Variants in SMAP1 observed in about 807,000 individuals in gnomAD.
SMAP1 encodes small ArfGAP 1, also known as stromal membrane-associated protein 1.
In SMAP1, 24 loss-of-function variants were observed where a neutral mutation model predicts 58.5. The observed-to-expected ratio is 0.41, with a 90% CI of 0.30 to 0.58. The LOEUF (loss-of-function observed/expected upper bound fraction) is 0.58. Ranked by LOEUF, SMAP1 falls within the 20% of genes least tolerant of loss-of-function variation. The pLI, the probability that SMAP1 is intolerant of heterozygous loss-of-function variation, is 0.29. For synonymous variants in SMAP1, 216 were observed against 196.6 expected (o/e 1.10, Z -0.82); for missense variants, 563 against 566.3 (o/e 0.99, Z 0.06).
At chr6:70,735,526 C>A (rs1440562706) in intron 2 of SMAP1, among the ~76,000 whole-genome samples, 1 of 152,042 alleles carries the variant, frequency 6.6e-6, no homozygotes, top group Non-Finnish European at 1.5e-5. Context: ...TCCTGTAATC[C>A]CAGAACTTTG....
At chr6:70,738,499 C>T (rs1263755179) in intron 2 of SMAP1, among the ~76,000 whole-genome samples, 1 of 150,336 alleles carries the variant, frequency 6.7e-6, no homozygotes, top group Admixed American at 6.6e-5. Context: ...TCTATTGTAA[C>T]CTAGTTATTC....
chr6:70,682,686 C>T (rs576109738), intron 1 of SMAP1, among the ~76,000 whole-genome samples: 3 of 152,088 alleles, frequency 2.0e-5, no homozygotes, highest in African/African-American at 7.2e-5. Flanking sequence ...GATTAAAACC[C>T]GTTTGATCTG....
At chr6:70,744,483 A>T (rs908965071) in intron 2 of SMAP1, among the ~76,000 whole-genome samples, 3 of 152,078 alleles carry the variant, frequency 2.0e-5, no homozygotes, top group African/African-American at 7.2e-5. Context: ...TTCATCCATG[A>T]CCTACAAAGG....
At chr6:70,738,646 G>A (rs1159929893) in intron 2 of SMAP1, among the ~76,000 whole-genome samples, 1 of 152,064 alleles carries the variant, frequency 6.6e-6, no homozygotes, top group Non-Finnish European at 1.5e-5. Flanking sequence ...CAAAATCAGG[G>A]GTTTTCATCA....
intron 6 of SMAP1, among the ~76,000 whole-genome samples, chr6:70,808,902 CTGTGTGTGTGTGTGTG>C (rs35577736): frequency 6.2e-5 from 9 of 144,766 alleles, no homozygotes; most frequent in South Asian, 4.5e-4. Flanking sequence ...GGCTGTTTCC[CTGTGTGTGTGTGTGTG>C]TGTGTGTGTG....
At chr6:70,841,495 C>T (rs1161478804) in intron 7 of SMAP1, among the ~76,000 whole-genome samples, 1 of 151,880 alleles carries the variant, frequency 6.6e-6, no homozygotes, top group African/African-American at 2.4e-5. Flanking sequence ...GGGTGTACAT[C>T]ATGTGTTTCT....
At chr6:70,760,944 G>A (rs1766721912) in intron 3 of SMAP1, among the ~76,000 whole-genome samples, 1 of 151,908 alleles carries the variant, frequency 6.6e-6, no homozygotes, top group Admixed American at 6.6e-5. Context: ...TCATTATTAG[G>A]ATATTTTGTC....
chr6:70,830,513 A>G (rs1770314723), intron 6 of SMAP1, among the ~76,000 whole-genome samples: 2 of 152,232 alleles, frequency 1.3e-5, no homozygotes, highest in Non-Finnish European at 2.9e-5. Flanking sequence ...AAGTCTTTGC[A>G]AAGTACAATA....
intron 4 of SMAP1, among the ~76,000 whole-genome samples, chr6:70,788,804 C>T (rs1219610851): frequency 1.3e-5 from 2 of 152,112 alleles, no homozygotes; most frequent in Admixed American, 6.6e-5. Context: ...GTACTCTGTC[C>T]TTATATAATG....
intron 3 of SMAP1, among the ~76,000 whole-genome samples, chr6:70,764,079 A>G (rs1366410515): frequency 1.4e-5 from 2 of 142,990 alleles, no homozygotes; most frequent in South Asian, 2.2e-4. Context: ...TGCCCAGCTA[A>G]TTTTTTTTTT....
chr6:70,799,147 G>A (rs191960486), intron 6 of SMAP1, among the ~76,000 whole-genome samples: 17 of 152,196 alleles, frequency 1.1e-4, no homozygotes, highest in Admixed American at 6.5e-4. Context: ...GGTGGAAAAC[G>A]GGTACATGTT....
At position 70,860,843 on chromosome 6, in the gene SMAP1, G is replaced by T; in HGVS notation, c.*509G>T. 1 of 395,478 alleles carries T rather than the reference G, an allele frequency of 2.5e-6. No homozygotes were observed. Among genetic ancestry groups the T allele is most frequent in the Non-Finnish European group, 4.5e-6 (1 of 224,044 alleles). 24.5% of individuals were successfully genotyped at this position (395,478 alleles called of 1,614,324 possible). ...TCATCATTCACTTCACTGTGCTGTT[G>T]TTATGATGTGCTTAACAGGGAACGT... is the stretch of plus-strand genomic sequence containing the variant. On this transcript the variant is annotated 3_prime_UTR_variant, in exon 11 of 11. Coordinates refer to ENST00000370455, the MANE Select transcript of SMAP1 (RefSeq NM_001044305.3).
chr6:70,723,938 G>A (rs1768644784), intron 1 of SMAP1, among the ~76,000 whole-genome samples: 2 of 151,266 alleles, frequency 1.3e-5, no homozygotes, highest in Non-Finnish European at 2.9e-5. Context: ...TATGTTATTG[G>A]TTTGCTTGGT....
At chr6:70,757,032 T>C (rs1207562721) in intron 3 of SMAP1, among the ~76,000 whole-genome samples, 3 of 152,112 alleles carry the variant, frequency 2.0e-5, no homozygotes, top group African/African-American at 4.8e-5. Flanking sequence ...AAAGTTCATA[T>C]GGAACCAAAA....
At chr6:70,669,681 A>G (rs565932535) in intron 1 of SMAP1, among the ~76,000 whole-genome samples, 1 of 152,334 alleles carries the variant, frequency 6.6e-6, no homozygotes, top group Admixed American at 6.5e-5. Context: ...AAGGCCAAGA[A>G]GAAGAAAGAA....
At chr6:70,762,673 A>G (rs1766802407) in intron 3 of SMAP1, among the ~76,000 whole-genome samples, 1 of 152,152 alleles carries the variant, frequency 6.6e-6, no homozygotes, top group Admixed American at 6.6e-5. Flanking sequence ...AAGTGATCTT[A>G]TGTTAATAAT....
At chr6:70,702,754 C>G (rs994216907) in intron 1 of SMAP1, among the ~76,000 whole-genome samples, 1 of 151,940 alleles carries the variant, frequency 6.6e-6, no homozygotes, top group African/African-American at 2.4e-5. Context: ...CCTCAGCCTC[C>G]TGAGTAGCTG....
intron 4 of SMAP1, among the ~76,000 whole-genome samples, chr6:70,786,665 C>G (rs1443249725): frequency 1.3e-5 from 2 of 152,136 alleles, no homozygotes; most frequent in Non-Finnish European, 2.9e-5. Context: ...CAATAACAGA[C>G]AAACAGAGAG....
At chr6:70,770,428 C>T (rs1381376741) in intron 3 of SMAP1, among the ~76,000 whole-genome samples, 1 of 152,198 alleles carries the variant, frequency 6.6e-6, no homozygotes, top group Non-Finnish European at 1.5e-5. Flanking sequence ...TCCCATATTT[C>T]TTGGAGACTT....
Sources: gnomAD v4.1 joint callset for allele counts (sites outside exome capture counted in the v4.1 genomes callset) on GRCh38, gnomAD v4.1.1 for gene constraint, MANE v1.5 for transcripts, NCBI Gene and HGNC (gene_info 2026-07-23, HGNC 2026-07-21) for gene names.